KRT9: variants seen among roughly 807,000 people sequenced by gnomAD.
The protein encoded by KRT9 is keratin 9.
In KRT9, 34 loss-of-function variants were observed where a neutral mutation model predicts 51.4. That is an observed-to-expected ratio of 0.66 (90% CI 0.50 to 0.88). The LOEUF (loss-of-function observed/expected upper bound fraction) is 0.88. Among genes scored for constraint, KRT9 ranks in the 40% least tolerant of loss-of-function variants. The pLI is 0.00. For synonymous variants in KRT9, 292 were observed against 289.7 expected (o/e 1.01, Z -0.08); for missense variants, 753 against 790.3 (o/e 0.95, Z 0.57).
Position 41,567,640 on chromosome 17 carries a change from C to G in KRT9, c.1505G>C (p.Ser502Thr), listed in dbSNP as rs1198519477. The stretch of plus-strand genomic sequence containing the variant: ...ACTTCCTCCACCATAGCCACCTCCA[C>G]TTCCTCCTCCACCATAGCTGCCTCC... Reference protein sequence around the residue: ...GSGGSYGGGGSGGGYGGGSGS... With the variant: ...GSGGSYGGGGTGGGYGGGSGS... The change falls in exon 7 of 8, where the codon AGT (serine) becomes ACT (threonine). Residue 502 changes from serine (S) to threonine (T), a missense_variant. Ser to Thr is a moderately conservative substitution (Grantham distance 58, BLOSUM62 1). Transcript: ENST00000246662. 6.3e-7 allele frequency: 1 copy of G among 1,596,412 alleles called. No individual in the cohort carries two copies. The highest frequency in any genetic ancestry group is 2.3e-5 in the East Asian group (1 of 43,860).
intron 1 of KRT9, 108 bp downstream of exon 1, chr17:41,571,243 T>C: frequency 9.7e-7 from 1 of 1,030,336 alleles, no homozygotes. Flanking sequence ...TTCCAAAAGG[T>C]GGATTCCCTG....
At chr17:41,568,751 C>G in intron 4 of KRT9, 118 bp from the exon 5 acceptor site, 1 of 1,360,182 alleles carries the variant, frequency 7.4e-7, no homozygotes, top group South Asian at 1.2e-5. Context: ...AAGCCAATGA[C>G]AAGTCATTCT....
chr17:41,570,847 A>T (rs927039601), intron 1 of KRT9, among the ~76,000 whole-genome samples: 1 of 152,180 alleles, frequency 6.6e-6, no homozygotes, highest in Non-Finnish European at 1.5e-5. Context: ...AAATGGATAG[A>T]TAGATAGACA....
chr17:41,569,661 C>T, intron 3 of KRT9, 74 bp from the exon 4 acceptor site: 1 of 1,571,914 alleles, frequency 6.4e-7, no homozygotes, highest in Non-Finnish European at 8.7e-7. Context: ...TCCCTCTGGT[C>T]CCCCCAGGGT....
In KRT9 at chr17:41,570,177, ATG is replaced by A. The variant is rs778007950; in HGVS notation, c.684_685del (p.Ile229Ter). On this transcript the variant is annotated frameshift_variant, in exon 2 of 8. Coordinates refer to ENST00000246662, the MANE Select transcript of KRT9 (RefSeq NM_000226.4). LOFTEE classifies it high-confidence loss of function. ...ATCCAGTGTCATGCGAGTGTTGTCA[ATG>A]TCCAGGAGAGTTTTGTTGTTGCCCA... 4 of 1,614,018 alleles carry A rather than the reference ATG, an allele frequency of 2.5e-6. No individual in the cohort carries two copies. The African/African-American group carries it at 5.3e-5, about 22-fold the overall frequency.
At chr17:41,571,293 T>G in intron 1 of KRT9, 58 bp downstream of exon 1, 1 of 1,484,236 alleles carries the variant, frequency 6.7e-7, no homozygotes, top group Non-Finnish European at 9.4e-7. Context: ...TTAACTTTTT[T>G]GGAAGATAAA....
rs189989500 is a variant in KRT9 at position 41,571,249 on chromosome 17, C to T, written c.642+102G>A. 1.0e-5 allele frequency: 11 copies of T among 1,075,428 alleles called. No homozygotes were observed. The Admixed American group carries it at 1.7e-4, about 17-fold the overall frequency. 66.6% of individuals were successfully genotyped at this position (1,075,428 alleles called of 1,614,324 possible). ...AGCGTACATTTCCAAAAGGTGGATTCCCTGGCTATTATCTGAGCTTAGAGT... is the reference window on the plus strand; with the variant it reads ...AGCGTACATTTCCAAAAGGTGGATTTCCTGGCTATTATCTGAGCTTAGAGT... On this transcript the variant is annotated intron_variant, in intron 1 of 7. Transcript: ENST00000246662.
chr17:41,566,731 C>T (rs1380219877), intron 7 of KRT9, among the ~76,000 whole-genome samples: 1 of 152,230 alleles, frequency 6.6e-6, no homozygotes, highest in Non-Finnish European at 1.5e-5. Flanking sequence ...ATCCTTTTGG[C>T]AGTTGCATCA....
rs374710110 is a variant in KRT9, at chr17:41,569,492, C to T, written c.978G>A (p.Met326Ile). 9.9e-6 allele frequency: 16 copies of T among 1,614,022 alleles called. No individual in the cohort carries two copies. Among genetic ancestry groups the T allele is most frequent in the Non-Finnish European group, 1.1e-5 (13 of 1,180,032 alleles). The change falls in exon 4 of 8, where the codon ATG (methionine) becomes ATA (isoleucine). Residue 326 changes from methionine to isoleucine, a missense_variant. By Grantham distance (10) the Met-to-Ile change is conservative. Around this residue, in one of 3 missense-constraint regions of KRT9, gnomAD observed 507 missense variants for 563.7 expected, o/e 0.90. Coordinates refer to ENST00000246662, the MANE Select transcript of KRT9 (RefSeq NM_000226.4). ...CAATGAGCTGCTCATACTCCTGACG[C>T]ATGTCATTGAGGGTCTTGGTGAGAT... Reference protein sequence around the residue: ...GKDLTKTLNDMRQEYEQLIAK... With the variant: ...GKDLTKTLNDIRQEYEQLIAK...
At position 41,570,223 on chromosome 17, in the gene KRT9, G is replaced by GAA. The variant is rs553337101; in HGVS notation, c.643-5_643-4dup. 20,019 of 1,594,822 alleles carry GAA rather than the reference G, an allele frequency of 0.013. 81 individuals carry two copies. The highest frequency in any genetic ancestry group is 0.014 in the Non-Finnish European group (16,719 of 1,166,350). On this transcript the variant is annotated splice_region_variant and splice_polypyrimidine_tract_variant and intron_variant, in intron 1 of 7. Coordinates refer to ENST00000246662, the MANE Select transcript of KRT9 (RefSeq NM_000226.4). ...TTGCCCACTGTCAGGTCCACAATCTGAAAAAAAAAGGACACAGCCATGATA... is the reference window on the plus strand; with the variant it reads ...TTGCCCACTGTCAGGTCCACAATCTGAAAAAAAAAAAGGACACAGCCATGATA...
At chr17:41,571,065 T>C (rs1200073634) in intron 1 of KRT9, among the ~76,000 whole-genome samples, 1 of 147,604 alleles carries the variant, frequency 6.8e-6, no homozygotes, top group Non-Finnish European at 1.5e-5. Flanking sequence ...CTAAAGGAGG[T>C]TCCACATCCA....
rs893409623 is a variant in KRT9 at position 41,567,523 on chromosome 17, C to G, written c.1622G>C (p.Gly541Ala). ...GGGYGGGSGGGHSGGSGGGHS... is the reference protein window; with the variant it reads ...GGGYGGGSGGAHSGGSGGGHS... The stretch of plus-strand genomic sequence containing the variant: ...ACCACCTCCACTTCCTCCGCTATGG[C>G]CACCTCCACTTCCTCCACCATAGCC... The change falls in exon 7 of 8, where the codon GGC (glycine) becomes GCC (alanine). Residue 541 changes from glycine (G) to alanine (A), a missense_variant. Gly to Ala is a moderately conservative substitution (Grantham distance 60). Coordinates refer to ENST00000246662, the MANE Select transcript of KRT9 (RefSeq NM_000226.4). 19 of 1,551,102 alleles carry G rather than the reference C, an allele frequency of 1.2e-5. No homozygotes were observed. Among genetic ancestry groups the G allele is most frequent in the Middle Eastern group, 1.7e-4 (1 of 6,014 alleles).
Position 41,571,340 on chromosome 17 carries a change from C to T in KRT9, c.642+11G>A, listed in dbSNP as rs377338797. On this transcript the variant is annotated intron_variant, in intron 1 of 7. Coordinates refer to ENST00000246662, the MANE Select transcript of KRT9 (RefSeq NM_000226.4). ...AAAGAGACCAAGACAGAGACAGTTT[C>T]CTGCACCTACCTGGTCCTTGAGATC... The T allele has an allele frequency of 2.5e-6, 4 of 1,610,744 alleles. No homozygotes were observed. The highest frequency in any genetic ancestry group is 2.5e-6 in the Non-Finnish European group (3 of 1,176,974).
Position 41,571,681 on chromosome 17 carries a change from GC to G in KRT9, c.311del (p.Gly104AlafsTer46), listed in dbSNP as rs763279156. On this transcript the variant is annotated frameshift_variant, in exon 1 of 8. Transcript: ENST00000246662. LOFTEE classifies it high-confidence loss of function. ...SRGFGGASGG[G>X]YSSSGGFGGG... is the part of the protein sequence containing the mutation. The stretch of plus-strand genomic sequence containing the variant: ...CTCCAAAACCCCCAGAACTACTATA[GC>G]CTCCTCCAGAAGCACCACCAAAACC... The G allele has an allele frequency of 6.2e-7, 1 of 1,603,504 alleles. No homozygotes were observed. The highest frequency in any genetic ancestry group is 8.5e-7 in the Non-Finnish European group (1 of 1,175,522).
Position 41,572,007 on chromosome 17 carries a change from C to T in KRT9, c.-15G>A. On this transcript the variant is annotated 5_prime_UTR_variant, in exon 1 of 8. Coordinates refer to ENST00000246662, the MANE Select transcript of KRT9 (RefSeq NM_000226.4). ...CTGCAGCTCATGACACAGCTGGTAG[C>T]TCACGGGTTGAGAAGCAGTGATAGG... 2 of 1,566,070 alleles carry T rather than the reference C, an allele frequency of 1.3e-6. No individual in the cohort carries two copies. The highest frequency in any genetic ancestry group is 1.7e-6 in the Non-Finnish European group (2 of 1,159,318).
rs1333793989 is a variant in KRT9 at position 41,566,135 on chromosome 17, A to T, written c.*58T>A. On this transcript the variant is annotated 3_prime_UTR_variant, in exon 8 of 8. Transcript: ENST00000246662. ...GGCAGGAGAAGTTTACAGAGGCTCT[A>T]GTATCGCGAAAGGAAGCCTGTGGAG... 1 of 152,890 alleles carries T rather than the reference A, an allele frequency of 6.5e-6. No individual in the cohort carries two copies. The highest frequency in any genetic ancestry group is 2.4e-5 in the African/African-American group (1 of 41,444). 9.5% of individuals were successfully genotyped at this position (152,890 alleles called of 1,614,324 possible).
At chr17:41,570,354 C>T (rs1305325530) in intron 1 of KRT9, 134 bp from the exon 2 acceptor site, 6 of 800,110 alleles carry the variant, frequency 7.5e-6, no homozygotes, top group Non-Finnish European at 1.1e-5. Context: ...CTTCCAACAG[C>T]TGGGACATGG....
At chr17:41,571,220 T>G (rs1219477452) in intron 1 of KRT9, 131 bp downstream of exon 1, 3 of 909,164 alleles carry the variant, frequency 3.3e-6, no homozygotes, top group Non-Finnish European at 5.5e-6. Context: ...TTGTTTCTGA[T>G]GAAAGCGTAC....
intron 4 of KRT9, among the ~76,000 whole-genome samples, chr17:41,568,936 AC>A (rs1451826930): frequency 1.3e-5 from 2 of 151,518 alleles, no homozygotes; most frequent in Non-Finnish European, 2.9e-5. Context: ...ACACACACAC[AC>A]ACACACACAC....
Sources: gnomAD v4.1 joint callset for allele counts (sites outside exome capture counted in the v4.1 genomes callset) on GRCh38, gnomAD v4.1.1 for gene constraint, gnomAD v4.1.1 regional missense constraint, MANE v1.5 for transcripts, NCBI Gene and HGNC (gene_info 2026-07-23, HGNC 2026-07-21) for gene names.